LMCD1: variants seen among roughly 807,000 people sequenced by gnomAD.
LMCD1 encodes LIM and cysteine-rich domains protein 1.
In LMCD1, 32 loss-of-function variants were observed where a neutral mutation model predicts 42.7. That is an observed-to-expected ratio of 0.75 (90% CI 0.57 to 1.01). The LOEUF is 1.01. LMCD1 is among the 50% of genes least tolerant of loss of function. The probability of loss-of-function intolerance (pLI) is 0.00; values close to 1 mark genes in which losing one functional copy is unlikely to be tolerated. For synonymous variants in LMCD1, 178 were observed against 184.9 expected (o/e 0.96, Z 0.30); for missense variants, 458 against 483.1 (o/e 0.95, Z 0.49).
intron 1 of LMCD1, among the ~76,000 whole-genome samples, chr3:8,528,394 C>G (rs2125020164): frequency 6.6e-6 from 1 of 152,152 alleles, no homozygotes; most frequent in East Asian, 1.9e-4. Context: ...TGGGGTCTCA[C>G]TATGTTGCAC....
chr3:8,555,087 G>A (rs982110875), intron 4 of LMCD1, among the ~76,000 whole-genome samples: 6 of 151,978 alleles, frequency 3.9e-5, no homozygotes, highest in Non-Finnish European at 5.9e-5. Context: ...AATATGGTCC[G>A]AAATCATCCT....
At chr3:8,518,144 G>A (rs1694131926) in intron 1 of LMCD1, among the ~76,000 whole-genome samples, 1 of 152,014 alleles carries the variant, frequency 6.6e-6, no homozygotes, top group African/African-American at 2.4e-5. Flanking sequence ...TCAACACTAA[G>A]CTCCAACATG....
chr3:8,565,419 C>G lies in LMCD1; in HGVS notation c.724-13C>G. On this transcript the variant is annotated splice_polypyrimidine_tract_variant and intron_variant, in intron 4 of 5. Transcript: ENST00000157600. ...ACTTCCTTGTCTCCTATGGTCCTTC[C>G]CCATCCTTCCAGGTCTGCGAGCTCT... 1 of 1,610,312 alleles carries G rather than the reference C, an allele frequency of 6.2e-7. No homozygotes were observed. Among genetic ancestry groups the G allele is most frequent in the Non-Finnish European group, 8.5e-7 (1 of 1,176,728 alleles).
At chr3:8,560,076 C>T (rs1695004655) in intron 4 of LMCD1, among the ~76,000 whole-genome samples, 1 of 152,236 alleles carries the variant, frequency 6.6e-6, no homozygotes, top group East Asian at 1.9e-4. Flanking sequence ...CCCTACAGTG[C>T]AAATTAGAAC....
intron 3 of LMCD1, among the ~76,000 whole-genome samples, chr3:8,542,894 T>A (rs1204672274): frequency 6.6e-6 from 1 of 152,178 alleles, no homozygotes; most frequent in Non-Finnish European, 1.5e-5. Flanking sequence ...GAAGAGTGCC[T>A]GGATCATAGC....
chr3:8,512,704 C>A (rs1351195658), intron 1 of LMCD1, among the ~76,000 whole-genome samples: 1 of 152,210 alleles, frequency 6.6e-6, no homozygotes. Context: ...GAAATGGGAC[C>A]ATCACAGGGG....
intron 1 of LMCD1, among the ~76,000 whole-genome samples, chr3:8,523,936 G>T (rs1262490198): frequency 1.3e-5 from 2 of 152,164 alleles, no homozygotes; most frequent in African/African-American, 4.8e-5. Context: ...GTTATGGACA[G>T]GCAGTTATCG....
chr3:8,567,371 G>A (rs1455030644), intron 5 of LMCD1, 69 bp from the exon 6 acceptor site: 7 of 1,524,802 alleles, frequency 4.6e-6, no homozygotes, highest in Non-Finnish European at 6.3e-6. Flanking sequence ...CCTATAACTT[G>A]TCCTAGATAT....
rs138785243 is a variant in LMCD1, at chr3:8,547,107, C to T, written c.388-1461C>T. ...TTCCACTGCCATCCAAAATTGAAAA[C>T]TACAGTGTTCCTTGGAGAATAAGCA... On this transcript the variant is annotated intron_variant, in intron 3 of 5. Coordinates refer to ENST00000157600, the MANE Select transcript of LMCD1 (RefSeq NM_014583.4). Among the ~76,000 whole-genome samples, 760 of 152,316 alleles carry T rather than the reference C, an allele frequency of 5.0e-3. 3 individuals are homozygous for T. The highest frequency in any genetic ancestry group is 0.016 in the African/African-American group (663 of 41,566).
intron 1 of LMCD1, among the ~76,000 whole-genome samples, chr3:8,505,075 G>T (rs1039771495): frequency 2.0e-5 from 3 of 152,170 alleles, no homozygotes; most frequent in African/African-American, 4.8e-5. Flanking sequence ...TACATAAAAG[G>T]CTCAGCATAT....
chr3:8,567,410 G>A, intron 5 of LMCD1, 30 bp from the exon 6 acceptor site: 1 of 1,609,484 alleles, frequency 6.2e-7, no homozygotes, highest in South Asian at 1.1e-5. Context: ...CAGAAACTGA[G>A]TCATGCATTT....
Position 8,572,219 on chromosome 3 carries a change from A to T in LMCD1, c.*4621A>T, listed in dbSNP as rs926016805. 1.3e-5 allele frequency: 2 copies of T among 152,248 alleles called. No homozygotes were observed. Among genetic ancestry groups the T allele is most frequent in the South Asian group, 2.1e-4 (1 of 4,832 alleles). The allele number at this position is 152,248 out of a possible 1,614,324, so 9.4% of individuals were successfully genotyped here. A position where few individuals can be genotyped will look rare whatever the true frequency, so the allele number is the denominator to read the frequency against. ...GTTTGTCAGATATTTCCTCGAAATT[A>T]GATTCAGCTTATGCATTTTTTGGAA... On this transcript the variant is annotated 3_prime_UTR_variant, in exon 6 of 6. Transcript: ENST00000157600.
intron 2 of LMCD1, among the ~76,000 whole-genome samples, chr3:8,535,021 C>T (rs1364962744): frequency 3.9e-5 from 6 of 152,198 alleles, no homozygotes; most frequent in South Asian, 4.1e-4. Flanking sequence ...AAAAGCTATG[C>T]GCAGCCTCCT....
chr3:8,504,246 A>G (rs748422257), intron 1 of LMCD1, among the ~76,000 whole-genome samples: 9 of 152,250 alleles, frequency 5.9e-5, no homozygotes, highest in Non-Finnish European at 1.2e-4. Context: ...TGAATGTCAC[A>G]GAAGTGATTA....
At chr3:8,563,822 G>A (rs1438912764) in intron 4 of LMCD1, among the ~76,000 whole-genome samples, 4 of 152,210 alleles carry the variant, frequency 2.6e-5, no homozygotes, top group African/African-American at 7.2e-5. Flanking sequence ...AAGTGAGGGC[G>A]ACAGTATGTA....
chr3:8,510,288 G>T (rs1057138402), intron 1 of LMCD1, among the ~76,000 whole-genome samples: 5 of 152,142 alleles, frequency 3.3e-5, no homozygotes, highest in Admixed American at 1.3e-4. Flanking sequence ...CGGCACACGG[G>T]TGCTCCCCAC....
chr3:8,534,297 T>C (rs1012549652), intron 2 of LMCD1, among the ~76,000 whole-genome samples: 1 of 152,040 alleles, frequency 6.6e-6, no homozygotes, highest in Non-Finnish European at 1.5e-5. Flanking sequence ...GATCATTTGG[T>C]ATATTTTTTC....
intron 1 of LMCD1, among the ~76,000 whole-genome samples, chr3:8,521,517 T>A (rs1027910107): frequency 6.6e-6 from 1 of 152,216 alleles, no homozygotes; most frequent in African/African-American, 2.4e-5. Flanking sequence ...AGCCTGCGAA[T>A]GATTTTATAG....
rs983174849 is a variant in LMCD1 at position 8,536,109 on chromosome 3, G to A, written c.132-1076G>A. Among the ~76,000 whole-genome samples the A allele has an allele frequency of 4.6e-5, 7 of 152,316 alleles. No individual in the cohort carries two copies. The East Asian group carries it at 1.4e-3, about 29-fold the overall frequency. On this transcript the variant is annotated intron_variant, in intron 2 of 5. Transcript: ENST00000157600. ...AGACGTATTTACCTCCTGACTGTAG[G>A]AGGGAAAAGGAGGGTTCCCTCAGCC...
Sources: gnomAD v4.1 joint callset for allele counts (sites outside exome capture counted in the v4.1 genomes callset) on GRCh38, gnomAD v4.1.1 for gene constraint, MANE v1.5 for transcripts, NCBI Gene and HGNC (gene_info 2026-07-23, HGNC 2026-07-21) for gene names.